Variants in PDE1C observed in about 807,000 individuals in gnomAD.
PDE1C encodes the protein phosphodiesterase 1C, also known as dual specificity calcium/calmodulin-dependent 3',5'-cyclic nucleotide phosphodiesterase 1C.
Under a neutral mutation model 93.1 loss-of-function variants are expected in PDE1C, and 62 were observed. The ratio of observed to expected loss-of-function variants is 0.67; its 90% CI spans 0.54 to 0.82. The LOEUF (loss-of-function observed/expected upper bound fraction) is 0.82. Among genes scored for constraint, PDE1C ranks in the 40% least tolerant of loss-of-function variants. PDE1C has a pLI of 0.00. For synonymous variants in PDE1C, 325 were observed against 310.1 expected, an observed-to-expected ratio of 1.05 and a Z score of -0.50; for missense variants, 742 against 884.6, an observed-to-expected ratio of 0.84 and a Z score of 2.04.
chr7:32,199,105 A>C (rs1804823475), intron 2 of PDE1C, among the ~76,000 whole-genome samples: 1 of 151,990 alleles, frequency 6.6e-6, no homozygotes, highest in Admixed American at 6.6e-5. Flanking sequence ...CCTGGGTGAC[A>C]AGAGCAAAAC....
chr7:31,853,369 G>A (rs1050319121), intron 7 of PDE1C, among the ~76,000 whole-genome samples: 33 of 152,324 alleles, frequency 2.2e-4, no homozygotes, highest in African/African-American at 7.7e-4. Flanking sequence ...GCTTCACAGA[G>A]GAGAGATGTT....
At chr7:31,731,579 G>A in the PDE1C span, among the ~76,000 whole-genome samples, 1 of 152,110 alleles carries the variant, frequency 6.6e-6, no homozygotes, top group South Asian at 2.1e-4. Flanking sequence ...TAGTAGAGAT[G>A]GAATTTCACC....
intron 2 of PDE1C, among the ~76,000 whole-genome samples, chr7:32,198,320 T>C (rs138212274): frequency 2.6e-4 from 40 of 152,326 alleles, no homozygotes; most frequent in African/African-American, 9.4e-4. Flanking sequence ...TATTGGGAAG[T>C]CTACAGTCAG....
chr7:31,896,312 C>T (rs1036777864), intron 2 of PDE1C, among the ~76,000 whole-genome samples: 10 of 152,244 alleles, frequency 6.6e-5, no homozygotes, highest in Middle Eastern at 3.4e-3. Context: ...ACAGAAAATG[C>T]ACAGTAGTTG....
chr7:31,619,709 T>A, the PDE1C span, among the ~76,000 whole-genome samples: 1 of 152,018 alleles, frequency 6.6e-6, no homozygotes, highest in Admixed American at 6.5e-5. Flanking sequence ...TGCATTTCCA[T>A]CTGAGGTACC....
intron 3 of PDE1C, among the ~76,000 whole-genome samples, chr7:32,089,645 G>A (rs910798561): frequency 2.0e-5 from 3 of 152,172 alleles, no homozygotes; most frequent in African/African-American, 7.2e-5. Context: ...TTGAGGGTCT[G>A]CACGGCCATG....
chr7:32,261,857 T>A (rs935080114), intron 1 of PDE1C, among the ~76,000 whole-genome samples: 1 of 152,220 alleles, frequency 6.6e-6, no homozygotes, highest in Admixed American at 6.5e-5. Flanking sequence ...TCTTTTAATA[T>A]GCCACCAGTT....
At chr7:31,841,225 C>CTATA (rs1245444243) in intron 9 of PDE1C, among the ~76,000 whole-genome samples, 22 of 89,642 alleles carry the variant, frequency 2.5e-4, no homozygotes, top group African/African-American at 9.0e-4. Context: ...CTCTCTCTCT[C>CTATA]TCTATATATA....
chr7:31,689,791 T>C, the PDE1C span, among the ~76,000 whole-genome samples: 16 of 152,356 alleles, frequency 1.1e-4, 1 homozygote, highest in South Asian at 2.7e-3. Flanking sequence ...ACATCATTCA[T>C]GATAAAAGTA....
At chr7:32,135,589 G>A (rs1483058155) in intron 3 of PDE1C, among the ~76,000 whole-genome samples, 1 of 152,120 alleles carries the variant, frequency 6.6e-6, no homozygotes, top group Admixed American at 6.6e-5. Context: ...CTGTTAAGTG[G>A]CTATTATCAA....
chr7:32,112,802 A>ATG (rs1483362960), intron 3 of PDE1C, among the ~76,000 whole-genome samples: 25 of 98,670 alleles, frequency 2.5e-4, no homozygotes, highest in South Asian at 2.2e-3. Flanking sequence ...ATATATACAT[A>ATG]TATGTGTGTG....
chr7:32,143,019 G>T (rs1800625483), intron 3 of PDE1C, among the ~76,000 whole-genome samples: 1 of 152,000 alleles, frequency 6.6e-6, no homozygotes, highest in African/African-American at 2.4e-5. Context: ...GACAGCTTTT[G>T]GTCTTGCAGA....
intron 2 of PDE1C, among the ~76,000 whole-genome samples, chr7:32,009,612 A>G (rs754288772): frequency 6.6e-6 from 1 of 152,246 alleles, no homozygotes; most frequent in South Asian, 2.1e-4. Context: ...TGCTTTCCTT[A>G]TAAGATCAGC....
At position 31,888,601 on chromosome 7, in the gene PDE1C, A is replaced by C. The variant is rs541756234; in HGVS notation, c.129-7741T>G. On this transcript the variant is annotated intron_variant, in intron 2 of 17. Transcript: ENST00000396191. The stretch of plus-strand genomic sequence containing the variant: ...ATCATAAATTCCTTTCTGAAGATAC[A>C]TTTAAAAATTTAGATGAAATTTTAA... Among the ~76,000 whole-genome samples the C allele has an allele frequency of 6.6e-5, 10 of 152,252 alleles. No homozygotes were observed. In the South Asian group the frequency reaches 2.1e-3, roughly 32 times the overall value.
intron 1 of PDE1C, among the ~76,000 whole-genome samples, chr7:32,249,898 A>G (rs1809238692): frequency 6.6e-6 from 1 of 152,230 alleles, no homozygotes; most frequent in African/African-American, 2.4e-5. Context: ...TGTATAGTCC[A>G]TGCAATAAGG....
At chr7:31,943,692 G>A (rs951283638) in intron 2 of PDE1C, among the ~76,000 whole-genome samples, 1 of 151,980 alleles carries the variant, frequency 6.6e-6, no homozygotes, top group African/African-American at 2.4e-5. Context: ...TGTATACTAA[G>A]GGATCTTCTT....
chr7:31,709,243 T>A, the PDE1C span, among the ~76,000 whole-genome samples: 1 of 152,162 alleles, frequency 6.6e-6, no homozygotes, highest in Non-Finnish European at 1.5e-5. Context: ...CCAGCTGTTG[T>A]GGAAATAAAA....
intron 15 of PDE1C, among the ~76,000 whole-genome samples, chr7:31,811,973 T>A (rs753043476): frequency 8.5e-5 from 13 of 152,146 alleles, no homozygotes; most frequent in Non-Finnish European, 1.6e-4. Flanking sequence ...TGTTTGATGA[T>A]GTTGCCTGAG....
At position 32,039,547 on chromosome 7, in the gene PDE1C, GT is replaced by G. The variant is rs566255606; in HGVS notation, c.128+12006del. Among the ~76,000 whole-genome samples the G allele has an allele frequency of 9.9e-4, 151 of 152,312 alleles. 1 individual carries two copies. The highest frequency in any genetic ancestry group is 1.9e-4 in the East Asian group (1 of 5,184). On this transcript the variant is annotated intron_variant, in intron 2 of 17. Coordinates refer to ENST00000396191, the MANE Select transcript of PDE1C (RefSeq NM_001191057.4). The stretch of plus-strand genomic sequence containing the variant: ...AGTGCAGGACAACGGGGACGACCCT[GT>G]CCCCTGGTGGCAGAGCTCCGCGATT...
Sources: gnomAD v4.1 joint callset for allele counts (sites outside exome capture counted in the v4.1 genomes callset) on GRCh38, gnomAD v4.1.1 for gene constraint, MANE v1.5 for transcripts, NCBI Gene and HGNC (gene_info 2026-07-23, HGNC 2026-07-21) for gene names.